The following SCAMP1 variants were observed in gnomAD, a reference collection of about 807,000 sequenced individuals.
SCAMP1 encodes secretory carrier-associated membrane protein 1.
Under a neutral mutation model 41.8 loss-of-function variants are expected in SCAMP1, and 15 were observed. The observed-to-expected ratio is 0.36, with a 90% CI of 0.24 to 0.55. The LOEUF is 0.55. Ranked by LOEUF, SCAMP1 falls within the 20% of genes least tolerant of loss-of-function variation. The pLI, the probability that SCAMP1 is intolerant of heterozygous loss-of-function variation, is 0.86. For missense variants in SCAMP1, 341 were observed against 412.6 expected, an observed-to-expected ratio of 0.83 and a Z score of 1.50; for synonymous variants, 135 against 136.8, an observed-to-expected ratio of 0.99 and a Z score of 0.09.
At chr5:78,364,502 C>T (rs1032839385) in intron 1 of SCAMP1, among the ~76,000 whole-genome samples, 1 of 152,142 alleles carries the variant, frequency 6.6e-6, no homozygotes, top group African/African-American at 2.4e-5. Flanking sequence ...CCCACAGAGG[C>T]ACACTTGCTC....
chr5:78,407,901 C>T (rs1751973526), intron 2 of SCAMP1, among the ~76,000 whole-genome samples: 1 of 152,084 alleles, frequency 6.6e-6, no homozygotes, highest in Non-Finnish European at 1.5e-5. Flanking sequence ...ACTTGTATTA[C>T]CCTCTTAATT....
At chr5:78,413,185 C>T (rs1051267200) in intron 2 of SCAMP1, among the ~76,000 whole-genome samples, 12 of 151,956 alleles carry the variant, frequency 7.9e-5, no homozygotes, top group African/African-American at 2.4e-4. Flanking sequence ...ATCCAGGCAC[C>T]GTTTATTGAT....
At chr5:78,441,622 T>C (rs974862234) in intron 6 of SCAMP1, among the ~76,000 whole-genome samples, 11 of 152,174 alleles carry the variant, frequency 7.2e-5, no homozygotes, top group African/African-American at 2.7e-4. Context: ...GAATCCAGCC[T>C]GACCAATGTG....
intron 2 of SCAMP1, among the ~76,000 whole-genome samples, chr5:78,409,132 T>C (rs995523924): frequency 6.6e-6 from 1 of 152,212 alleles, no homozygotes; most frequent in East Asian, 1.9e-4. Flanking sequence ...GCTTTGTCTC[T>C]AGTTTACTAG....
At chr5:78,385,209 C>T (rs1472432889) in intron 1 of SCAMP1, among the ~76,000 whole-genome samples, 2 of 152,100 alleles carry the variant, frequency 1.3e-5, no homozygotes, top group African/African-American at 4.8e-5. Flanking sequence ...TTATCTGTCT[C>T]CTCTGGGTTT....
At chr5:78,469,908 A>C (rs1561290911) in intron 8 of SCAMP1, among the ~76,000 whole-genome samples, 405 of 38,440 alleles carry the variant, frequency 0.011, no homozygotes, top group Non-Finnish European at 0.012. Flanking sequence ...AAAAAAAAAA[A>C]AAAACAAAAA....
At position 78,439,637 on chromosome 5, in the gene SCAMP1, T is replaced by C. The variant is rs186317846; in HGVS notation, c.633-10296T>C. On this transcript the variant is annotated intron_variant, in intron 6 of 8. Transcript: ENST00000621999. ...GAGTAACCTGACCTTTCTCTCTGGC[T>C]GCCCTTTACATTTTTTCCTTCATTT... 1.5e-3 allele frequency among the ~76,000 whole-genome samples: 236 copies of C among 152,318 alleles called. 1 individual carries two copies. Among genetic ancestry groups the C allele is most frequent in the African/African-American group, 5.1e-3 (210 of 41,560 alleles).
intron 2 of SCAMP1, among the ~76,000 whole-genome samples, chr5:78,404,945 A>G (rs747832974): frequency 2.6e-5 from 4 of 152,214 alleles, no homozygotes; most frequent in Non-Finnish European, 4.4e-5. Context: ...AGTGTTGTCT[A>G]TGCTGAGCCT....
Position 78,366,892 on chromosome 5 carries a change from G to A in SCAMP1, c.57+6164G>A, listed in dbSNP as rs374883581. On this transcript the variant is annotated intron_variant, in intron 1 of 8. Transcript: ENST00000621999. ...TCTAAGCTACTTGGGAGGCTGAGGC[G>A]GGAGGGTGACAGAGTGAGACCCTGT... Among the ~76,000 whole-genome samples, 8 of 149,672 alleles carry A rather than the reference G, an allele frequency of 5.3e-5. No homozygotes were observed. In the East Asian group the frequency reaches 7.8e-4, roughly 15 times the overall value.
intron 2 of SCAMP1, among the ~76,000 whole-genome samples, chr5:78,406,529 G>T (rs1178314065): frequency 6.6e-6 from 1 of 152,024 alleles, no homozygotes; most frequent in African/African-American, 2.4e-5. Context: ...AGAGACCTTG[G>T]GTAGTCGTTT....
intron 2 of SCAMP1, among the ~76,000 whole-genome samples, chr5:78,397,209 AAG>A (rs141266975): frequency 1.4e-3 from 218 of 152,352 alleles, no homozygotes; most frequent in African/African-American, 5.0e-3. Flanking sequence ...GATTTTTGAC[AAG>A]AGTGTCAGGA....
rs1754049426 is a variant in SCAMP1, at chr5:78,478,216, G to A, written c.*2548G>A. 1 of 152,532 alleles carries A rather than the reference G, an allele frequency of 6.6e-6. No individual in the cohort carries two copies. Among genetic ancestry groups the A allele is most frequent in the Non-Finnish European group, 1.5e-5 (1 of 67,986 alleles). The allele number at this position is 152,532 out of a possible 1,614,324, so 9.4% of individuals were successfully genotyped here. ...CCTCTAATGTTGCATGTTTCAGTGGGTTGGAAGTTTTGTATATTTATTGTA... is the reference window on the plus strand; with the variant it reads ...CCTCTAATGTTGCATGTTTCAGTGGATTGGAAGTTTTGTATATTTATTGTA... On this transcript the variant is annotated 3_prime_UTR_variant, in exon 9 of 9. Coordinates refer to ENST00000621999, the MANE Select transcript of SCAMP1 (RefSeq NM_004866.6).
intron 2 of SCAMP1, among the ~76,000 whole-genome samples, chr5:78,403,990 G>T (rs1445502585): frequency 6.8e-6 from 1 of 146,328 alleles, no homozygotes. Flanking sequence ...AGGGATGGTG[G>T]GCATGCCTGT....
chr5:78,425,826 T>C (rs985034603), intron 6 of SCAMP1, among the ~76,000 whole-genome samples: 1 of 152,190 alleles, frequency 6.6e-6, no homozygotes, highest in Non-Finnish European at 1.5e-5. Context: ...ATGCGCAGAA[T>C]GTGCAGGTCT....
rs576784536 is a variant in SCAMP1, at chr5:78,442,021, C to T, written c.633-7912C>T. ...GCATGTGCCTGTAGTCCCAGCTACTCGGGAGGCTGAGGTGGGAGGATTGAT... is the reference window on the plus strand; with the variant it reads ...GCATGTGCCTGTAGTCCCAGCTACTTGGGAGGCTGAGGTGGGAGGATTGAT... On this transcript the variant is annotated intron_variant, in intron 6 of 8. Coordinates refer to ENST00000621999, the MANE Select transcript of SCAMP1 (RefSeq NM_004866.6). Among the ~76,000 whole-genome samples, 14 of 151,690 alleles carry T rather than the reference C, an allele frequency of 9.2e-5. No individual in the cohort carries two copies. In the South Asian group the frequency reaches 2.1e-3, roughly 23 times the overall value.
At chr5:78,468,921 G>A (rs1217614915) in intron 8 of SCAMP1, among the ~76,000 whole-genome samples, 3 of 151,948 alleles carry the variant, frequency 2.0e-5, no homozygotes, top group Admixed American at 6.6e-5. Context: ...TATATGCAGG[G>A]GATTGGTTTC....
At chr5:78,454,090 A>G (rs1248478690) in intron 7 of SCAMP1, among the ~76,000 whole-genome samples, 8 of 152,318 alleles carry the variant, frequency 5.3e-5, no homozygotes, top group South Asian at 2.1e-4. Flanking sequence ...GGGCTGAGAC[A>G]GTGGGGTTTT....
At chr5:78,449,392 GA>G (rs1353369739) in intron 6 of SCAMP1, among the ~76,000 whole-genome samples, 1 of 151,712 alleles carries the variant, frequency 6.6e-6, no homozygotes, top group Admixed American at 6.6e-5. Context: ...GCCAGACAAG[GA>G]AAAAAGACTA....
intron 6 of SCAMP1, among the ~76,000 whole-genome samples, chr5:78,444,996 T>C (rs1373651023): frequency 6.6e-6 from 1 of 152,232 alleles, no homozygotes; most frequent in Non-Finnish European, 1.5e-5. Flanking sequence ...TCATGTTCTC[T>C]TATCTGCTAT....
Sources: allele counts gnomAD v4.1 joint callset (sites outside exome capture counted in the v4.1 genomes callset), GRCh38; gene constraint gnomAD v4.1.1; transcripts MANE v1.5; gene names NCBI Gene and HGNC (gene_info 2026-07-23, HGNC 2026-07-21).